Variants in DLEC1 observed in about 807,000 individuals in gnomAD.
DLEC1 encodes deleted in lung and esophageal cancer protein 1.
A neutral mutation model predicts 198.1 loss-of-function variants in DLEC1; 146 were observed. That is an observed-to-expected ratio of 0.74 (90% CI 0.64 to 0.85). The LOEUF (loss-of-function observed/expected upper bound fraction) is 0.85, where lower values mean the gene tolerates loss of function less well. DLEC1 is among the 40% of genes least tolerant of loss of function. DLEC1 has a pLI of 0.00. For missense variants in DLEC1, 2,233 were observed against 2,220.0 expected (o/e 1.01, Z -0.12); for synonymous variants, 897 against 866.8 (o/e 1.03, Z -0.61).
In DLEC1 at chr3:38,111,694, C is replaced by A. The variant is rs1487139824; in HGVS notation, c.3461C>A (p.Ala1154Asp). The change falls in exon 24 of 37, where the codon GCC (alanine) becomes GAC (aspartate). Residue 1154 changes from alanine (A) to aspartate (D), a missense_variant. By Grantham distance (126) the Ala-to-Asp change is moderately radical (BLOSUM62 -2). Coordinates refer to ENST00000308059, the MANE Select transcript of DLEC1 (RefSeq NM_007335.4). ...KKTSLPNMPP[A>D]LLKTVRMQEH... The stretch of plus-strand genomic sequence containing the variant: ...TTGTAAAGTCCCAACATGCCTCCTG[C>A]CCTGCTAAAGACAGTGCGGATGCAA... 1.9e-6 allele frequency: 3 copies of A among 1,613,234 alleles called. No homozygotes were observed. The highest frequency in any genetic ancestry group is 2.5e-6 in the Non-Finnish European group (3 of 1,179,670).
rs780696628 is a variant in DLEC1, at chr3:38,097,783, G to T, written c.2605G>T (p.Gly869Cys). ...LIINVSALQF[G>C]LLRLGQKATN... ...CATCAACGTCTCAGCCCTTCAGTTT[G>T]GTCTGCTCCGCCTGGGGCAGAAAGC... The change falls in exon 18 of 37, where the codon GGT (glycine) becomes TGT (cysteine). Residue 869 changes from glycine to cysteine, a missense_variant. Transcript: ENST00000308059. The T allele has an allele frequency of 6.2e-7, 1 of 1,614,110 alleles. No homozygotes were observed. Among genetic ancestry groups the T allele is most frequent in the Non-Finnish European group, 8.5e-7 (1 of 1,180,032 alleles).
In DLEC1 at chr3:38,070,105, C is replaced by T. The variant is rs186794151; in HGVS notation, c.1173+6186C>T. Among the ~76,000 whole-genome samples the T allele has an allele frequency of 6.6e-5, 10 of 152,196 alleles. 1 individual carries two copies. The South Asian group carries it at 1.7e-3, about 25-fold the overall frequency. On this transcript the variant is annotated intron_variant, in intron 6 of 36. Coordinates refer to ENST00000308059, the MANE Select transcript of DLEC1 (RefSeq NM_007335.4). Reference sequence around the variant, plus strand: ...CTGTATTGATGTGCTACACACTGTGCTGGGTGCAGTTGGAGGATTAGGTCT... The same window carrying T: ...CTGTATTGATGTGCTACACACTGTGTTGGGTGCAGTTGGAGGATTAGGTCT...
intron 2 of DLEC1, among the ~76,000 whole-genome samples, chr3:38,047,227 C>A (rs78958782): frequency 3.0e-4 from 45 of 152,308 alleles, no homozygotes; most frequent in African/African-American, 1.1e-3. Flanking sequence ...ACTGAAAATT[C>A]TTTTCTTAAT....
intron 19 of DLEC1, among the ~76,000 whole-genome samples, chr3:38,102,386 G>A (rs371062710): frequency 9.8e-5 from 15 of 152,312 alleles, no homozygotes; most frequent in East Asian, 3.9e-4. Flanking sequence ...ATCATGTTTC[G>A]AAATTTCAAG....
intron 2 of DLEC1, among the ~76,000 whole-genome samples, chr3:38,047,664 G>C (rs1032402788): frequency 6.6e-6 from 1 of 152,144 alleles, no homozygotes; most frequent in Non-Finnish European, 1.5e-5. Context: ...ATGAGGTTTA[G>C]GTTCAATGAT....
rs1304118692 is a variant in DLEC1 at position 38,117,854 on chromosome 3, A to G, written c.4534A>G (p.Thr1512Ala). 1 of 1,614,060 alleles carries G rather than the reference A, an allele frequency of 6.2e-7. No individual in the cohort carries two copies. The highest frequency in any genetic ancestry group is 8.5e-7 in the Non-Finnish European group (1 of 1,180,000). Residue 1512 changes from threonine to alanine, a missense_variant, in exon 33 of 37, where the codon ACA becomes GCA. Coordinates refer to ENST00000308059, the MANE Select transcript of DLEC1 (RefSeq NM_007335.4). ...CCACCACCTGAAGCTGACCAACACT[A>G]CAGAGATCCCACACTACTTCCGGCT... ...TTHHLKLTNTTEIPHYFRLMV... is the reference protein window; with the variant it reads ...TTHHLKLTNTAEIPHYFRLMV...
rs370419973 is a variant in DLEC1, at chr3:38,122,559, A to G, written c.*147A>G. On this transcript the variant is annotated 3_prime_UTR_variant, in exon 37 of 37. Transcript: ENST00000308059. ...TGGAATGGAAGAACCCCCTTCCACA[A>G]TGGTCTCAGCCTAGGCCCTCATGAT... is the stretch of plus-strand genomic sequence containing the variant. The G allele has an allele frequency of 2.5e-6, 4 of 1,604,774 alleles. No homozygotes were observed. The highest frequency in any genetic ancestry group is 1.1e-5 in the South Asian group (1 of 89,986).
At chr3:38,051,736 A>G (rs1334448615) in intron 2 of DLEC1, 1 of 177,686 alleles carries the variant, frequency 5.6e-6, no homozygotes, top group Non-Finnish European at 1.3e-5. Context: ...TGGCTATTAG[A>G]AAAGTCTAGA....
chr3:38,048,101 T>C (rs1700959621), intron 2 of DLEC1, among the ~76,000 whole-genome samples: 1 of 152,244 alleles, frequency 6.6e-6, no homozygotes, highest in Non-Finnish European at 1.5e-5. Flanking sequence ...GTTCCATCTT[T>C]GGCAGAGAGC....
chr3:38,055,089 T>G (rs1696287294), intron 2 of DLEC1, among the ~76,000 whole-genome samples: 1 of 152,176 alleles, frequency 6.6e-6, no homozygotes, highest in Middle Eastern at 3.4e-3. Flanking sequence ...TGGCTAGAGA[T>G]TTTGAATTAG....
intron 1 of DLEC1, among the ~76,000 whole-genome samples, chr3:38,040,975 G>T (rs925233627): frequency 6.6e-6 from 1 of 151,820 alleles, no homozygotes; most frequent in Admixed American, 6.6e-5. Flanking sequence ...GAGTAGCTAG[G>T]ACCACAGGTG....
intron 2 of DLEC1, among the ~76,000 whole-genome samples, chr3:38,046,939 G>A (rs983126300): frequency 3.9e-5 from 6 of 152,190 alleles, no homozygotes; most frequent in African/African-American, 7.2e-5. Flanking sequence ...GTAGGATGGG[G>A]ATGGTTCTGT....
rs1700553355 is a variant in DLEC1, at chr3:38,122,673, T to C, written c.*261T>C. Reference sequence around the variant, plus strand: ...CTACTCAGTGCATAGCGAAGACCAGTATGGCAAAATTAGTCTTGGAAAAAA... The same window carrying C: ...CTACTCAGTGCATAGCGAAGACCAGCATGGCAAAATTAGTCTTGGAAAAAA... On this transcript the variant is annotated 3_prime_UTR_variant, in exon 37 of 37. Transcript: ENST00000308059. 2.1e-6 allele frequency: 3 copies of C among 1,429,954 alleles called. No individual in the cohort carries two copies. Among genetic ancestry groups the C allele is most frequent in the Admixed American group, 2.7e-5 (1 of 36,674 alleles). The allele number at this position is 1,429,954 out of a possible 1,614,324, so 88.6% of individuals were successfully genotyped here. A position where few individuals can be genotyped will look rare whatever the true frequency, so the allele number is the denominator to read the frequency against.
intron 1 of DLEC1, among the ~76,000 whole-genome samples, chr3:38,042,357 A>G (rs975654632): frequency 2.0e-5 from 3 of 152,188 alleles, no homozygotes; most frequent in Admixed American, 6.5e-5. Flanking sequence ...TTTTTATAAT[A>G]TATATGCATG....
chr3:38,092,766 C>T (rs1559438951), intron 10 of DLEC1, 24 bp from the exon 11 acceptor site: 9 of 1,607,654 alleles, frequency 5.6e-6, no homozygotes, highest in South Asian at 3.3e-5. Context: ...TGGGAGGTAA[C>T]GGAACAACCC....
chr3:38,072,827 C>T (rs9858794), intron 6 of DLEC1, among the ~76,000 whole-genome samples: 6 of 151,868 alleles, frequency 4.0e-5, no homozygotes, highest in Non-Finnish European at 7.4e-5. Context: ...ATGGAGAAGA[C>T]ATTTGAGTTT....
intron 6 of DLEC1, among the ~76,000 whole-genome samples, chr3:38,083,001 T>G (rs1423778547): frequency 1.3e-5 from 2 of 151,604 alleles, no homozygotes; most frequent in Non-Finnish European, 2.9e-5. Flanking sequence ...ATGAAAGGAA[T>G]TGAAATTAAG....
At position 38,063,717 on chromosome 3, in the gene DLEC1, G is replaced by A. The variant is rs1258802097; in HGVS notation, c.1095-124G>A. 4.8e-5 allele frequency: 33 copies of A among 687,076 alleles called. No individual in the cohort carries two copies. The East Asian group carries it at 9.0e-4, about 19-fold the overall frequency. The allele number at this position is 687,076 out of a possible 1,614,324, so 42.6% of individuals were successfully genotyped here. A position where few individuals can be genotyped will look rare whatever the true frequency, so the allele number is the denominator to read the frequency against. On this transcript the variant is annotated intron_variant, in intron 5 of 36. Coordinates refer to ENST00000308059, the MANE Select transcript of DLEC1 (RefSeq NM_007335.4). ...AAGATCCAAAAACCCCCCAACAAAT[G>A]GTATATTGTGAATATCTTTGATGGT... is the stretch of plus-strand genomic sequence containing the variant.
chr3:38,120,905 A>T (rs1014058741), intron 34 of DLEC1, among the ~76,000 whole-genome samples: 2 of 152,194 alleles, frequency 1.3e-5, no homozygotes, highest in African/African-American at 2.4e-5. Flanking sequence ...AAGGAAGGGA[A>T]ACACGTTGAC....
Sources: gnomAD v4.1 joint callset for allele counts (sites outside exome capture counted in the v4.1 genomes callset) on GRCh38, gnomAD v4.1.1 for gene constraint, MANE v1.5 for transcripts, NCBI Gene and HGNC (gene_info 2026-07-23, HGNC 2026-07-21) for gene names.